Variants in KLHL1 observed in about 807,000 individuals in gnomAD.
KLHL1 encodes kelch like family member 1.
Under a neutral mutation model 77.7 loss-of-function variants are expected in KLHL1, and 47 were observed. The observed-to-expected ratio is 0.60, with a 90% CI of 0.48 to 0.77. The LOEUF (loss-of-function observed/expected upper bound fraction) is 0.77. Among genes scored for constraint, KLHL1 ranks in the 30% least tolerant of loss-of-function variants. KLHL1 has a pLI of 0.00. For synonymous variants in KLHL1, 360 were observed against 325.2 expected (o/e 1.11, Z -1.15); for missense variants, 925 against 910.8 (o/e 1.02, Z -0.20).
chr13:69,735,904 C>T lies in KLHL1; in HGVS notation c.1802+4490G>A, dbSNP rs373714745. Among the ~76,000 whole-genome samples the T allele has an allele frequency of 3.3e-5, 5 of 152,080 alleles. No individual in the cohort carries two copies. In the East Asian group the frequency reaches 5.8e-4, roughly 18 times the overall value. ...AAAAACAATTATTATAAGAAATATG[C>T]CTTACCTTTGCATTAAACAAAATAT... is the stretch of plus-strand genomic sequence containing the variant. On this transcript the variant is annotated intron_variant, in intron 8 of 10. Transcript: ENST00000377844.
chr13:69,740,571 AAATG>A lies in KLHL1; in HGVS notation c.1640-19_1640-16del. ...TACTGTTACACCTAAAATATTAGAT[AAATG>A]AATGTAGTGCCTATAGTTAATATCA... On this transcript the variant is annotated splice_polypyrimidine_tract_variant and intron_variant, in intron 7 of 10. Coordinates refer to ENST00000377844, the MANE Select transcript of KLHL1 (RefSeq NM_020866.3). 1.9e-6 allele frequency: 3 copies of A among 1,585,560 alleles called. No individual in the cohort carries two copies. Among genetic ancestry groups the A allele is most frequent in the Non-Finnish European group, 2.6e-6 (3 of 1,159,472 alleles).
At chr13:69,849,362 A>G (rs1239160356) in intron 5 of KLHL1, among the ~76,000 whole-genome samples, 2 of 151,482 alleles carry the variant, frequency 1.3e-5, no homozygotes, top group South Asian at 2.1e-4. Context: ...TTTTTAATCT[A>G]TAGTCACTTT....
chr13:69,796,793 G>A lies in KLHL1; in HGVS notation c.1584C>T (p.Pro528=). The part of the protein sequence containing the change: ...KTLNTVECYN[P]KTKTWTVLPP... The stretch of plus-strand genomic sequence containing the variant: ...GTAAGACAGTCCATGTCTTGGTTTT[G>A]GGATTGTAACATTCAACAGTGTTCA... The change falls in exon 7 of 11, where the codon CCC becomes CCT. Residue 528 remains proline, a synonymous_variant. Coordinates refer to ENST00000377844, the MANE Select transcript of KLHL1 (RefSeq NM_020866.3). 1 of 1,614,120 alleles carries A rather than the reference G, an allele frequency of 6.2e-7. No homozygotes were observed. The highest frequency in any genetic ancestry group is 8.5e-7 in the Non-Finnish European group (1 of 1,180,002).
intron 5 of KLHL1, among the ~76,000 whole-genome samples, chr13:69,843,386 A>C (rs527812772): frequency 8.3e-4 from 126 of 151,816 alleles, no homozygotes; most frequent in African/African-American, 2.5e-3. Context: ...GGTTTTAGAA[A>C]AGTAGACTCA....
intron 3 of KLHL1, among the ~76,000 whole-genome samples, chr13:69,960,942 T>A (rs1025763539): frequency 2.0e-5 from 3 of 152,076 alleles, no homozygotes; most frequent in African/African-American, 7.2e-5. Flanking sequence ...GGGAAAAAGT[T>A]ATTTGAACCC....
intron 1 of KLHL1, among the ~76,000 whole-genome samples, chr13:70,039,800 T>C (rs1357395602): frequency 6.6e-6 from 1 of 151,924 alleles, no homozygotes; most frequent in East Asian, 1.9e-4. Context: ...CCATCATGCC[T>C]AGCTAATTTT....
intron 4 of KLHL1, among the ~76,000 whole-genome samples, chr13:69,895,717 T>TTC (rs1881611812): frequency 6.6e-6 from 1 of 150,958 alleles, no homozygotes. Flanking sequence ...TTTTTCCTTT[T>TTC]TTTTTTTTTC....
In KLHL1 at chr13:69,891,223, G is replaced by T. The variant is rs149548849; in HGVS notation, c.1015-8728C>A. On this transcript the variant is annotated intron_variant, in intron 4 of 10. Coordinates refer to ENST00000377844, the MANE Select transcript of KLHL1 (RefSeq NM_020866.3). The stretch of plus-strand genomic sequence containing the variant: ...CAACTCTGCCGGACTGAAGTGAATG[G>T]CTGCCAGTTTTCTTTATTAATTCTA... 3.0e-3 allele frequency among the ~76,000 whole-genome samples: 455 copies of T among 152,104 alleles called. 2 individuals are homozygous for T. The highest frequency in any genetic ancestry group is 9.8e-3 in the African/African-American group (406 of 41,528).
chr13:69,786,096 C>A (rs1477291279), intron 7 of KLHL1, among the ~76,000 whole-genome samples: 4 of 152,142 alleles, frequency 2.6e-5, no homozygotes. Flanking sequence ...GAGCTGGTAC[C>A]ATTCCTTCTG....
In KLHL1 at chr13:69,917,755, T is replaced by G. The variant is rs1382872378; in HGVS notation, c.1014+22285A>C. ...CTTTGCAAGGTTTTTTTTGGTTTGT[T>G]TTTTGAATTTTGGTATCACATAACA... On this transcript the variant is annotated intron_variant, in intron 4 of 10. Transcript: ENST00000377844. Among the ~76,000 whole-genome samples, 3 of 152,260 alleles carry G rather than the reference T, an allele frequency of 2.0e-5. No individual in the cohort carries two copies. In the East Asian group the frequency reaches 5.8e-4, roughly 29 times the overall value.
At chr13:69,895,087 T>A in intron 4 of KLHL1, 1 of 425,564 alleles carries the variant, frequency 2.3e-6, no homozygotes, top group Non-Finnish European at 4.6e-6. Context: ...GGATCTTGCT[T>A]TCTTCTTCTT....
At chr13:70,037,276 A>G (rs1886263032) in intron 1 of KLHL1, among the ~76,000 whole-genome samples, 1 of 151,934 alleles carries the variant, frequency 6.6e-6, no homozygotes, top group Admixed American at 6.6e-5. Flanking sequence ...GGCTTTCTTT[A>G]TTAACTTTTT....
chr13:70,098,399 T>G (rs1887843817), intron 1 of KLHL1, among the ~76,000 whole-genome samples: 1 of 151,858 alleles, frequency 6.6e-6, no homozygotes, highest in Admixed American at 6.6e-5. Context: ...CAGCAAAAAT[T>G]TATTTGAAAC....
chr13:69,780,025 A>G (rs958073536), intron 7 of KLHL1, among the ~76,000 whole-genome samples: 9 of 140,940 alleles, frequency 6.4e-5, no homozygotes, highest in Non-Finnish European at 9.5e-5. Context: ...GCTTGTCTCT[A>G]TCTATCTCCT....
intron 6 of KLHL1, chr13:69,803,153 A>T: frequency 6.6e-6 from 1 of 152,154 alleles, no homozygotes; most frequent in Non-Finnish European, 1.5e-5. Flanking sequence ...ATATTGAGTA[A>T]AGGTGTTTTG....
chr13:69,844,477 T>A (rs1879381144), intron 5 of KLHL1, among the ~76,000 whole-genome samples: 1 of 151,690 alleles, frequency 6.6e-6, no homozygotes, highest in Non-Finnish European at 1.5e-5. Flanking sequence ...TTCTTGCTTA[T>A]AAACACCATA....
At chr13:69,983,233 T>A (rs1158851340) in intron 1 of KLHL1, among the ~76,000 whole-genome samples, 6 of 152,224 alleles carry the variant, frequency 3.9e-5, no homozygotes, top group Admixed American at 3.9e-4. Context: ...CCTATGTTCA[T>A]TGGTTGGAAT....
intron 1 of KLHL1, among the ~76,000 whole-genome samples, chr13:70,033,945 TTAAGCCC>T (rs1886180358): frequency 6.6e-6 from 1 of 152,054 alleles, no homozygotes; most frequent in Admixed American, 6.6e-5. Context: ...AATCCAATCC[TTAAGCCC>T]TAATACGGAC....
intron 1 of KLHL1, among the ~76,000 whole-genome samples, chr13:70,005,456 T>C (rs543964476): frequency 6.6e-6 from 1 of 152,120 alleles, no homozygotes; most frequent in East Asian, 1.9e-4. Context: ...TCTTAAAACA[T>C]TTTGAAATTT....
Sources: allele counts gnomAD v4.1 joint callset (sites outside exome capture counted in the v4.1 genomes callset), GRCh38; gene constraint gnomAD v4.1.1; transcripts MANE v1.5; gene names NCBI Gene and HGNC (gene_info 2026-07-23, HGNC 2026-07-21).